MEGF10: variants seen among roughly 807,000 people sequenced by gnomAD.
The protein encoded by MEGF10 is multiple epidermal growth factor-like domains protein 10.
MEGF10 carries 86 observed loss-of-function variants against 147.5 expected under a neutral mutation model. That is an observed-to-expected ratio of 0.58 (90% CI 0.49 to 0.70). The LOEUF is 0.70. Ranked by LOEUF, MEGF10 falls within the 30% of genes least tolerant of loss-of-function variation. MEGF10 has a pLI of 0.00. For missense variants in MEGF10, 1,329 were observed against 1,487.3 expected (o/e 0.89, Z 1.75); for synonymous variants, 478 against 525.5 (o/e 0.91, Z 1.24).
chr5:127,316,852 C>T (rs1760567920), intron 1 of MEGF10, among the ~76,000 whole-genome samples: 1 of 152,096 alleles, frequency 6.6e-6, no homozygotes, highest in Non-Finnish European at 1.5e-5. Flanking sequence ...CAGGGTGTTA[C>T]AGGAGCAAAG....
intron 8 of MEGF10, among the ~76,000 whole-genome samples, chr5:127,407,476 G>A (rs1286555559): frequency 6.6e-6 from 1 of 152,154 alleles, no homozygotes; most frequent in Non-Finnish European, 1.5e-5. Flanking sequence ...GGGAATTGAT[G>A]TGTTAATACT....
chr5:127,406,217 C>G (rs1780978414), intron 8 of MEGF10, among the ~76,000 whole-genome samples: 1 of 152,126 alleles, frequency 6.6e-6, no homozygotes, highest in South Asian at 2.1e-4. Context: ...CCTATTTCAT[C>G]TGGAGTACAG....
chr5:127,435,304 T>C (rs1378065368), intron 15 of MEGF10, 57 bp from the exon 16 acceptor site: 7 of 1,602,362 alleles, frequency 4.4e-6, no homozygotes, highest in Non-Finnish European at 5.1e-6. Flanking sequence ...GCTAAGATTC[T>C]AGGGTTCTGC....
intron 4 of MEGF10, among the ~76,000 whole-genome samples, chr5:127,340,920 T>C (rs763508512): frequency 6.6e-5 from 10 of 152,122 alleles, no homozygotes; most frequent in Non-Finnish European, 1.0e-4. Context: ...AATAAATGTC[T>C]CATTGGAAAT....
chr5:127,297,252 C>T (rs1759544587), intron 1 of MEGF10, among the ~76,000 whole-genome samples: 1 of 152,172 alleles, frequency 6.6e-6, no homozygotes, highest in Admixed American at 6.5e-5. Flanking sequence ...CAGGCATGAG[C>T]CACTGCACCT....
intron 13 of MEGF10, 55 bp from the exon 14 acceptor site, chr5:127,433,308 T>G (rs1561643867): frequency 6.2e-7 from 1 of 1,611,606 alleles, no homozygotes; most frequent in South Asian, 1.1e-5. Context: ...AATTAGCATC[T>G]GCGGAAACTC....
intron 2 of MEGF10, among the ~76,000 whole-genome samples, chr5:127,334,855 A>T (rs1184928675): frequency 2.6e-5 from 4 of 152,156 alleles, no homozygotes; most frequent in Admixed American, 2.6e-4. Flanking sequence ...AAGCAGAGAT[A>T]AGAAATGAAG....
chr5:127,378,829 G>A (rs940017333), intron 5 of MEGF10, among the ~76,000 whole-genome samples: 2 of 151,732 alleles, frequency 1.3e-5, no homozygotes, highest in African/African-American at 4.8e-5. Context: ...AGAAGACCTA[G>A]TAAAGTTTTA....
rs1232882009 is a variant in MEGF10 at position 127,398,064 on chromosome 5, TG to T, written c.660-607del. 8.9e-5 allele frequency among the ~76,000 whole-genome samples: 4 copies of T among 44,840 alleles called. No individual in the cohort carries two copies. The Admixed American group carries it at 1.3e-3, about 14-fold the overall frequency. The allele number at this position is 44,840 out of a possible 152,430, so 29.4% of individuals were successfully genotyped here. On this transcript the variant is annotated intron_variant, in intron 6 of 24. Coordinates refer to ENST00000503335, the MANE Select transcript of MEGF10 (RefSeq NM_001256545.2). ...GGAGCATCACACACTGGGGTCTGTCTGGGGGTGGGGGGAAAGGGGAGGGAGA... is the reference window on the plus strand; with the variant it reads ...GGAGCATCACACACTGGGGTCTGTCTGGGGTGGGGGGAAAGGGGAGGGAGA...
At chr5:127,399,064 T>TA (rs1264433895) in intron 7 of MEGF10, among the ~76,000 whole-genome samples, 10 of 151,832 alleles carry the variant, frequency 6.6e-5, no homozygotes, top group African/African-American at 1.7e-4. Flanking sequence ...CCCTTAAGGA[T>TA]AAAAAAAAGA....
At chr5:127,328,092 C>T (rs1310756461) in intron 1 of MEGF10, among the ~76,000 whole-genome samples, 1 of 152,132 alleles carries the variant, frequency 6.6e-6, no homozygotes, top group Admixed American at 6.5e-5. Context: ...AAGGACAATC[C>T]ATGTTTCCTA....
chr5:127,243,916 G>C, the MEGF10 span, among the ~76,000 whole-genome samples: 1 of 152,108 alleles, frequency 6.6e-6, no homozygotes, highest in Non-Finnish European at 1.5e-5. Context: ...GCATTCTTCT[G>C]CTGGGCATGG....
chr5:127,374,071 G>GCTA (rs1389510577), intron 5 of MEGF10, among the ~76,000 whole-genome samples: 2 of 152,238 alleles, frequency 1.3e-5, no homozygotes, highest in African/African-American at 4.8e-5. Context: ...TACTGCAGGA[G>GCTA]CGGTATGCTA....
At chr5:127,366,428 TC>T (rs1391415219) in intron 4 of MEGF10, among the ~76,000 whole-genome samples, 2 of 152,196 alleles carry the variant, frequency 1.3e-5, no homozygotes, top group Non-Finnish European at 2.9e-5. Flanking sequence ...TTGTGTTCTT[TC>T]CTTTTAGACT....
intron 22 of MEGF10, among the ~76,000 whole-genome samples, chr5:127,452,841 C>A (rs1460898902): frequency 6.6e-6 from 1 of 152,210 alleles, no homozygotes; most frequent in East Asian, 1.9e-4. Context: ...CTTCACTACA[C>A]ACCCATTTAT....
At chr5:127,349,079 A>G (rs1247708653) in intron 4 of MEGF10, among the ~76,000 whole-genome samples, 1 of 152,170 alleles carries the variant, frequency 6.6e-6, no homozygotes, top group East Asian at 1.9e-4. Context: ...CAATTATTCC[A>G]GTATACATTT....
chr5:127,264,000 AC>A, the MEGF10 span, among the ~76,000 whole-genome samples: 1 of 152,118 alleles, frequency 6.6e-6, no homozygotes, highest in African/African-American at 2.4e-5. Context: ...GGGTCTGATG[AC>A]CCAAAGACAA....
chr5:127,255,400 C>T, the MEGF10 span, among the ~76,000 whole-genome samples: 20 of 152,186 alleles, frequency 1.3e-4, no homozygotes, highest in Non-Finnish European at 1.9e-4. Context: ...TCAGGCCCAT[C>T]TTATAATCCT....
the MEGF10 span, among the ~76,000 whole-genome samples, chr5:127,268,407 G>A: frequency 1.3e-5 from 2 of 152,244 alleles, no homozygotes; most frequent in African/African-American, 2.4e-5. Context: ...GATTTGGGGT[G>A]GAGAGTTCTG....
Sources: allele counts gnomAD v4.1 joint callset (sites outside exome capture counted in the v4.1 genomes callset), GRCh38; gene constraint gnomAD v4.1.1; transcripts MANE v1.5; gene names NCBI Gene and HGNC (gene_info 2026-07-23, HGNC 2026-07-21).